Variants in EXD2 observed in about 807,000 individuals in gnomAD.
EXD2 encodes the protein exonuclease 3'-5' domain-containing protein 2.
A neutral mutation model predicts 62.5 loss-of-function variants in EXD2; 40 were observed. The ratio of observed to expected loss-of-function variants is 0.64; its 90% CI spans 0.50 to 0.83. The LOEUF (loss-of-function observed/expected upper bound fraction) is 0.83, where lower values mean the gene tolerates loss of function less well. Ranked by LOEUF, EXD2 falls within the 40% of genes least tolerant of loss-of-function variation. EXD2 has a pLI of 0.00. For synonymous variants in EXD2, 239 were observed against 291.9 expected, an observed-to-expected ratio of 0.82 and a Z score of 1.85; for missense variants, 671 against 761.8, an observed-to-expected ratio of 0.88 and a Z score of 1.40.
chr14:69,236,329 A>G, intron 7 of EXD2, 78 bp from the exon 8 acceptor site: 1 of 1,606,672 alleles, frequency 6.2e-7, no homozygotes, highest in South Asian at 1.1e-5. Context: ...AGCAGAGAAC[A>G]GTGAAGGTAG....
chr14:69,207,921 A>G (rs1368208911), intron 2 of EXD2, among the ~76,000 whole-genome samples: 1 of 149,664 alleles, frequency 6.7e-6, no homozygotes, highest in Non-Finnish European at 1.5e-5. Context: ...TTTTTGAGAC[A>G]GAGTCTTACT....
chr14:69,194,617 A>T (rs1481041024), intron 1 of EXD2, among the ~76,000 whole-genome samples: 1 of 151,860 alleles, frequency 6.6e-6, no homozygotes, highest in African/African-American at 2.4e-5. Context: ...AAAGTTCTGG[A>T]ATTATGGACA....
At chr14:69,219,868 AGTAGATGTG>A (rs1401775698) in intron 3 of EXD2, among the ~76,000 whole-genome samples, 2 of 152,112 alleles carry the variant, frequency 1.3e-5, no homozygotes, top group African/African-American at 4.8e-5. Context: ...TACAGTGTTC[AGTAGATGTG>A]GTGATAGTGG....
chr14:69,233,481 C>T (rs1266303850), intron 5 of EXD2, among the ~76,000 whole-genome samples: 2 of 151,834 alleles, frequency 1.3e-5, no homozygotes, highest in East Asian at 3.9e-4. Context: ...GGCTGGAGTG[C>T]AGTGGTGCGA....
intron 2 of EXD2, chr14:69,208,752 G>C (rs538580094): frequency 6.6e-6 from 1 of 152,172 alleles, no homozygotes; most frequent in Non-Finnish European, 1.5e-5. Flanking sequence ...ATCTCTCTAA[G>C]TTCTACCTTT....
chr14:69,238,757 C>G (rs146482744), intron 9 of EXD2, among the ~76,000 whole-genome samples: 2,009 of 152,164 alleles, frequency 0.013, 41 homozygotes, highest in African/African-American at 0.047. Flanking sequence ...ACCTCAGCCT[C>G]CCAAGTAGCT....
At chr14:69,228,685 A>C in intron 3 of EXD2, 131 bp from the exon 4 acceptor site, 3 of 1,237,328 alleles carry the variant, frequency 2.4e-6, no homozygotes, top group Non-Finnish European at 3.3e-6. Flanking sequence ...TGTAGATGCA[A>C]ACCAAAACCT....
chr14:69,210,030 A>G (rs1401376764), intron 3 of EXD2: 3 of 377,288 alleles, frequency 8.0e-6, no homozygotes, highest in Non-Finnish European at 1.4e-5. Context: ...TATGAATTGT[A>G]TTTTCCCCAC....
At position 69,234,950 on chromosome 14, in the gene EXD2, A is replaced by T; in HGVS notation, c.968A>T (p.Asp323Val). The change falls in exon 6 of 10, where the codon GAT becomes GTT. Residue 323 changes from aspartate to valine, a missense_variant. Physicochemically the swap from Asp to Val is radical, Grantham distance 152 (BLOSUM62 -3). Transcript: ENST00000685843. ...CCAAGAAATAAGAAGTCTAAGATGG[A>T]TGGGATGGTGCCAGGCAACCACCAA... ...QKPRNKKSKM[D>V]GMVPGNHQGR... The T allele has an allele frequency of 6.2e-7, 1 of 1,613,832 alleles. No individual in the cohort carries two copies. The highest frequency in any genetic ancestry group is 8.5e-7 in the Non-Finnish European group (1 of 1,179,876).
In EXD2 at chr14:69,233,912, G is replaced by A. The variant is rs530302041; in HGVS notation, c.718-788G>A. On this transcript the variant is annotated intron_variant, in intron 5 of 9. Coordinates refer to ENST00000685843, the MANE Select transcript of EXD2 (RefSeq NM_001193360.2). ...CTCCTGAGTAGCTGGGATTACAGGCGTCCACCACCACACCCAGCTAATTTT... is the reference window on the plus strand; with the variant it reads ...CTCCTGAGTAGCTGGGATTACAGGCATCCACCACCACACCCAGCTAATTTT... Among the ~76,000 whole-genome samples, 87 of 151,930 alleles carry A rather than the reference G, an allele frequency of 5.7e-4. 1 individual carries two copies. In the South Asian group the frequency reaches 0.018, roughly 31 times the overall value.
At chr14:69,229,196 G>A (rs2043479836) in intron 4 of EXD2, 124 bp downstream of exon 4, 2 of 1,244,128 alleles carry the variant, frequency 1.6e-6, no homozygotes, top group Non-Finnish European at 2.2e-6. Context: ...AGGCTTCTAA[G>A]ATGCATATTG....
chr14:69,197,406 G>T (rs555519485), intron 1 of EXD2, among the ~76,000 whole-genome samples: 1 of 151,434 alleles, frequency 6.6e-6, no homozygotes, highest in Admixed American at 6.6e-5. Context: ...TCGCTGTCTC[G>T]ATGGTTGATT....
At position 69,209,630 on chromosome 14, in the gene EXD2, C is replaced by T; in HGVS notation, c.160C>T (p.Pro54Ser). Residue 54 changes from proline to serine, a missense_variant, in exon 3 of 10, where the codon CCC becomes TCC. Physicochemically the swap from Pro to Ser is moderately conservative, Grantham distance 74 (BLOSUM62 -1). Coordinates refer to ENST00000685843, the MANE Select transcript of EXD2 (RefSeq NM_001193360.2). ...GAAAGTGCTGGGCAGTAGAGAGCTGCCCCCTCCAGAAGATGATCAGCTGCA... is the reference window on the plus strand; with the variant it reads ...GAAAGTGCTGGGCAGTAGAGAGCTGTCCCCTCCAGAAGATGATCAGCTGCA... ...QQKVLGSREL[P>S]PPEDDQLHSS... 6.4e-7 allele frequency: 1 copy of T among 1,550,466 alleles called. No homozygotes were observed. The highest frequency in any genetic ancestry group is 8.7e-7 in the Non-Finnish European group (1 of 1,146,956).
chr14:69,216,620 A>G (rs933245358), intron 3 of EXD2, among the ~76,000 whole-genome samples: 1 of 151,944 alleles, frequency 6.6e-6, no homozygotes, highest in African/African-American at 2.4e-5. Flanking sequence ...TTTAGAATCA[A>G]TTTTCAGGTC....
chr14:69,231,909 TAAAAAAAAAAAA>T (rs747438242), intron 5 of EXD2, among the ~76,000 whole-genome samples: 1 of 60,626 alleles, frequency 1.6e-5, no homozygotes, highest in Non-Finnish European at 3.2e-5. Context: ...GCATGAGCAG[TAAAAAAAAAAAA>T]AAAAAAAAAA....
At chr14:69,204,848 C>A (rs1210143954) in intron 2 of EXD2, among the ~76,000 whole-genome samples, 2 of 152,224 alleles carry the variant, frequency 1.3e-5, no homozygotes, top group South Asian at 4.1e-4. Context: ...ATACCTTGAG[C>A]TGAATTTCAT....
chr14:69,228,488 A>G (rs4902703), intron 3 of EXD2, among the ~76,000 whole-genome samples: 109,722 of 152,030 alleles, frequency 0.72, 40,779 homozygotes, highest in East Asian at 1. Context: ...TACCGTGCCC[A>G]GCCTCCTTAG....
chr14:69,195,881 T>C (rs909393047), intron 1 of EXD2, among the ~76,000 whole-genome samples: 1 of 152,260 alleles, frequency 6.6e-6, no homozygotes, highest in Non-Finnish European at 1.5e-5. Flanking sequence ...AATTTCATCC[T>C]GTGGTATATT....
At chr14:69,206,733 C>T (rs1295995072) in intron 2 of EXD2, among the ~76,000 whole-genome samples, 5 of 151,886 alleles carry the variant, frequency 3.3e-5, no homozygotes, top group East Asian at 1.9e-4. Flanking sequence ...CCACCTGCCT[C>T]GGCCTCCCAA....
Sources: gnomAD v4.1 joint callset for allele counts (sites outside exome capture counted in the v4.1 genomes callset) on GRCh38, gnomAD v4.1.1 for gene constraint, MANE v1.5 for transcripts, NCBI Gene and HGNC (gene_info 2026-07-23, HGNC 2026-07-21) for gene names.